Variants in GRID2 observed in about 807,000 individuals in gnomAD.
GRID2 encodes the protein glutamate ionotropic receptor delta type subunit 2, also known as glutamate receptor ionotropic, delta-2.
A neutral mutation model predicts 114.8 loss-of-function variants in GRID2; 33 were observed. The ratio of observed to expected loss-of-function variants is 0.29; its 90% confidence interval spans 0.22 to 0.38. The LOEUF (loss-of-function observed/expected upper bound fraction) is 0.38. GRID2 is among the 10% of genes least tolerant of loss of function. The probability of loss-of-function intolerance (pLI) is 1.00; values close to 1 mark genes in which losing one functional copy is unlikely to be tolerated. For synonymous variants in GRID2, 505 were observed against 449.9 expected (o/e 1.12, Z -1.55); for missense variants, 1,184 against 1,257.7 (o/e 0.94, Z 0.89).
intron 2 of GRID2, among the ~76,000 whole-genome samples, chr4:92,965,139 T>C (rs908990329): frequency 5.9e-5 from 9 of 151,988 alleles, no homozygotes; most frequent in Non-Finnish European, 8.8e-5. Context: ...AATTTCAATA[T>C]TGTTGCATCT....
chr4:92,537,784 GGTGTGTGTGTGTGTGTGT>G (rs70942907), intron 1 of GRID2, among the ~76,000 whole-genome samples: 7 of 125,934 alleles, frequency 5.6e-5, no homozygotes, highest in South Asian at 2.9e-4. Context: ...AAAAACTTGC[GGTGTGTGTGTGTGTGTGT>G]GTGTGTGTGT....
intron 8 of GRID2, among the ~76,000 whole-genome samples, chr4:93,265,536 G>C (rs1398504897): frequency 6.6e-6 from 1 of 152,154 alleles, no homozygotes; most frequent in African/African-American, 2.4e-5. Flanking sequence ...TAGGCTAATT[G>C]ATATAAACAA....
At chr4:92,717,320 A>G (rs1289812265) in intron 2 of GRID2, among the ~76,000 whole-genome samples, 2 of 152,228 alleles carry the variant, frequency 1.3e-5, no homozygotes, top group Non-Finnish European at 2.9e-5. Flanking sequence ...TTTCAAAGGC[A>G]AGAATAAACC....
chr4:93,775,757 G>A (rs1734357317), downstream of GRID2, among the ~76,000 whole-genome samples: 1 of 152,116 alleles, frequency 6.6e-6, no homozygotes, highest in African/African-American at 2.4e-5. Flanking sequence ...TTATGCACAG[G>A]CTTTGGTTTA....
intron 2 of GRID2, among the ~76,000 whole-genome samples, chr4:93,025,342 T>C (rs1379611141): frequency 6.6e-6 from 1 of 151,830 alleles, no homozygotes; most frequent in African/African-American, 2.4e-5. Context: ...TAAACAGATA[T>C]TTATTAATCC....
intron 4 of GRID2, among the ~76,000 whole-genome samples, chr4:93,187,990 GCT>G (rs1335449516): frequency 1.3e-5 from 2 of 151,184 alleles, no homozygotes; most frequent in African/African-American, 4.8e-5. Context: ...CAGTATTGCA[GCT>G]CTCACAGGGT....
At chr4:93,315,756 G>A (rs1756513254) in intron 8 of GRID2, among the ~76,000 whole-genome samples, 1 of 152,020 alleles carries the variant, frequency 6.6e-6, no homozygotes, top group African/African-American at 2.4e-5. Context: ...AAATGCACTA[G>A]TTACATACTC....
At chr4:92,322,019 T>C (rs1042898086) in intron 1 of GRID2, among the ~76,000 whole-genome samples, 23 of 152,218 alleles carry the variant, frequency 1.5e-4, no homozygotes, top group South Asian at 1.0e-3. Context: ...TTTCAGGAAA[T>C]TGAACTTGCA....
chr4:92,688,320 G>T (rs1734020835), intron 2 of GRID2, among the ~76,000 whole-genome samples: 1 of 151,802 alleles, frequency 6.6e-6, no homozygotes, highest in African/African-American at 2.4e-5. Flanking sequence ...AAAGTGCTGG[G>T]ATTACAGGTG....
chr4:92,878,436 A>G (rs1745779661), intron 2 of GRID2, among the ~76,000 whole-genome samples: 1 of 152,078 alleles, frequency 6.6e-6, no homozygotes. Context: ...GTTTAGAGTA[A>G]TATTGGTGTC....
chr4:93,322,144 T>C (rs4276253), intron 8 of GRID2, among the ~76,000 whole-genome samples: 108,918 of 151,510 alleles, frequency 0.72, 40,562 homozygotes, highest in African/African-American at 0.93. Flanking sequence ...TGTGCTGCAC[T>C]CATTAACCTA....
chr4:93,229,161 GA>G (rs895542024), intron 7 of GRID2, among the ~76,000 whole-genome samples: 23 of 150,304 alleles, frequency 1.5e-4, no homozygotes, highest in Admixed American at 1.1e-3. Context: ...TGGATTTTTA[GA>G]AAAAAAAATT....
intron 1 of GRID2, among the ~76,000 whole-genome samples, chr4:92,411,647 G>GTATATATA (rs1240876484): frequency 1.3e-4 from 11 of 87,286 alleles, no homozygotes; most frequent in Non-Finnish European, 2.6e-4. Flanking sequence ...GTGTGTGTGT[G>GTATATATA]TGTGTGTGTA....
chr4:93,200,009 T>G (rs576662755), intron 4 of GRID2, among the ~76,000 whole-genome samples: 1 of 152,266 alleles, frequency 6.6e-6, no homozygotes, highest in Non-Finnish European at 1.5e-5. Flanking sequence ...ATTGCATTTT[T>G]TTGGTTGGTG....
chr4:92,530,043 G>GA (rs1386332620), intron 1 of GRID2, among the ~76,000 whole-genome samples: 1 of 136,558 alleles, frequency 7.3e-6, no homozygotes, highest in African/African-American at 2.7e-5. Context: ...AGAAGGATAA[G>GA]AAGGGTTTTT....
At chr4:92,442,654 A>G (rs1179022401) in intron 1 of GRID2, among the ~76,000 whole-genome samples, 3 of 151,822 alleles carry the variant, frequency 2.0e-5, no homozygotes, top group Admixed American at 2.0e-4. Flanking sequence ...TTGGGAGCAG[A>G]TTGGGTAATA....
At chr4:93,544,228 T>C (rs529172264) in intron 13 of GRID2, among the ~76,000 whole-genome samples, 1 of 152,256 alleles carries the variant, frequency 6.6e-6, no homozygotes, top group South Asian at 2.1e-4. Context: ...ATGTGTGGAA[T>C]AGATAATATG....
intron 4 of GRID2, among the ~76,000 whole-genome samples, chr4:93,135,244 G>C (rs1346308834): frequency 1.3e-5 from 2 of 152,128 alleles, no homozygotes; most frequent in African/African-American, 2.4e-5. Flanking sequence ...TTTGGGTTCA[G>C]TCTCCTGTGA....
intron 13 of GRID2, among the ~76,000 whole-genome samples, chr4:93,538,190 G>A (rs1732290038): frequency 6.6e-6 from 1 of 151,664 alleles, no homozygotes; most frequent in Admixed American, 6.6e-5. Context: ...AAAATAGAAG[G>A]TGAATCTGGA....
Sources: gnomAD v4.1 joint callset for allele counts (sites outside exome capture counted in the v4.1 genomes callset) on GRCh38, gnomAD v4.1.1 for gene constraint, MANE v1.5 for transcripts, NCBI Gene and HGNC (gene_info 2026-07-23, HGNC 2026-07-21) for gene names.